TICAM2: variants seen among roughly 807,000 people sequenced by gnomAD.
TICAM2 encodes the protein TIR domain containing adaptor molecule 2.
Under a neutral mutation model 7.3 loss-of-function variants are expected in TICAM2, and 8 were observed. The ratio of observed to expected loss-of-function variants is 1.10; its 90% CI spans 0.65 to 1.99. TICAM2 has a LOEUF of 1.99. Among genes scored for constraint, TICAM2 ranks in the 30% most tolerant of loss-of-function variants. The pLI, the probability that TICAM2 is intolerant of heterozygous loss-of-function variation, is 0.00. For missense variants in TICAM2, 304 were observed against 278.8 expected, an observed-to-expected ratio of 1.09 and a Z score of -0.65; for synonymous variants, 113 against 99.6, an observed-to-expected ratio of 1.13 and a Z score of -0.80.
chr5:115,598,126 G>T (rs1031200533), intron 1 of TICAM2, among the ~76,000 whole-genome samples: 1 of 151,820 alleles, frequency 6.6e-6, no homozygotes, highest in Non-Finnish European at 1.5e-5. Flanking sequence ...CATTTTCTAG[G>T]CTTTATATTT....
At chr5:115,593,621 C>T (rs563504863) in intron 1 of TICAM2, among the ~76,000 whole-genome samples, 6 of 152,122 alleles carry the variant, frequency 3.9e-5, no homozygotes, top group Admixed American at 1.3e-4. Flanking sequence ...AGATTCAATG[C>T]AATAACAATC....
At chr5:115,582,151 CATTT>C (rs985483870) in intron 1 of TICAM2, among the ~76,000 whole-genome samples, 83 of 151,646 alleles carry the variant, frequency 5.5e-4, no homozygotes, top group African/African-American at 1.8e-3. Context: ...TTTATTTATT[CATTT>C]ATTTATTTAT....
At chr5:115,590,863 C>T (rs564130663) in intron 1 of TICAM2, among the ~76,000 whole-genome samples, 1 of 152,274 alleles carries the variant, frequency 6.6e-6, no homozygotes, top group East Asian at 1.9e-4. Flanking sequence ...AAAGGCATTT[C>T]CCAAGATCCA....
At chr5:115,591,682 A>C (rs1323141569) in intron 1 of TICAM2, among the ~76,000 whole-genome samples, 1 of 152,154 alleles carries the variant, frequency 6.6e-6, no homozygotes, top group Non-Finnish European at 1.5e-5. Flanking sequence ...CAGCAGAAGG[A>C]ACTCATGAAC....
intron 1 of TICAM2, among the ~76,000 whole-genome samples, chr5:115,598,089 A>G (rs1755581674): frequency 6.6e-6 from 1 of 152,240 alleles, no homozygotes; most frequent in African/African-American, 2.4e-5. Flanking sequence ...ACAGTCTGAA[A>G]AAATAGTTTT....
chr5:115,586,356 C>A lies in TICAM2; in HGVS notation c.-59-5041G>T, dbSNP rs1009622992. Among the ~76,000 whole-genome samples, 7 of 150,454 alleles carry A rather than the reference C, an allele frequency of 4.7e-5. 1 individual carries two copies. In the South Asian group the frequency reaches 8.4e-4, roughly 18 times the overall value. Reference sequence around the variant, plus strand: ...ATTTGTTAGTCACTTCTACCCATTACTGCTATGACAACATGCAATTCATAA... The same window carrying A: ...ATTTGTTAGTCACTTCTACCCATTAATGCTATGACAACATGCAATTCATAA... On this transcript the variant is annotated intron_variant, in intron 1 of 1. Transcript: ENST00000427199.
intron 1 of TICAM2, among the ~76,000 whole-genome samples, chr5:115,595,631 C>A (rs574513900): frequency 6.6e-6 from 1 of 152,298 alleles, no homozygotes; most frequent in South Asian, 2.1e-4. Context: ...TACCCTAATG[C>A]CTTCAAGAAA....
intron 1 of TICAM2, 47 bp from the exon 2 acceptor site, chr5:115,581,362 C>CA: frequency 6.6e-7 from 1 of 1,516,556 alleles, no homozygotes; most frequent in Non-Finnish European, 8.8e-7. Context: ...TTAATCAAAA[C>CA]ATTAAAAATG....
chr5:115,587,358 A>G (rs1755143258), intron 1 of TICAM2, among the ~76,000 whole-genome samples: 1 of 152,130 alleles, frequency 6.6e-6, no homozygotes, highest in Non-Finnish European at 1.5e-5. Context: ...CCTTTTAGAG[A>G]GAAGGTGAGT....
chr5:115,587,515 A>G (rs1755149001), intron 1 of TICAM2, among the ~76,000 whole-genome samples: 1 of 152,216 alleles, frequency 6.6e-6, no homozygotes, highest in African/African-American at 2.4e-5. Flanking sequence ...ATTAGTTAAG[A>G]GGCTGCTACA....
chr5:115,601,460 T>C (rs946726509), intron 1 of TICAM2, among the ~76,000 whole-genome samples: 1 of 151,906 alleles, frequency 6.6e-6, no homozygotes, highest in East Asian at 1.9e-4. Context: ...AGACGTGCAA[T>C]GTGGGTTCAG....
intron 1 of TICAM2, among the ~76,000 whole-genome samples, chr5:115,591,250 C>T (rs1755291415): frequency 1.3e-5 from 2 of 152,128 alleles, no homozygotes. Flanking sequence ...AAGTGTGACT[C>T]CAGTTGTGTG....
chr5:115,591,432 C>T (rs1755298377), intron 1 of TICAM2, among the ~76,000 whole-genome samples: 2 of 152,184 alleles, frequency 1.3e-5, no homozygotes, highest in African/African-American at 4.8e-5. Context: ...AAAATTAAAT[C>T]CTCTCTGGAA....
chr5:115,584,311 A>G (rs376028409), intron 1 of TICAM2, among the ~76,000 whole-genome samples: 6 of 152,202 alleles, frequency 3.9e-5, no homozygotes, highest in South Asian at 2.1e-4. Context: ...ATTAGTATAC[A>G]TTGCTTTTTC....
intron 1 of TICAM2, among the ~76,000 whole-genome samples, chr5:115,586,054 G>T (rs375277061): frequency 1.3e-5 from 2 of 152,186 alleles, no homozygotes; most frequent in Non-Finnish European, 2.9e-5. Flanking sequence ...TAGGAGAAAG[G>T]TTCCAGCAGG....
intron 1 of TICAM2, among the ~76,000 whole-genome samples, chr5:115,590,833 A>T (rs763090462): frequency 9.9e-5 from 15 of 152,236 alleles, no homozygotes; most frequent in Non-Finnish European, 1.9e-4. Flanking sequence ...TTAACTCTCT[A>T]TTATGGCTTT....
rs1354915519 is a variant in TICAM2, at chr5:115,579,558, C to T, written c.*991G>A. ...GGAAAGAAACAATCCTGTTTGGGGC[C>T]TCTCTGGCTTGTTAGGAGCATGGGG... On this transcript the variant is annotated 3_prime_UTR_variant, in exon 2 of 2. Transcript: ENST00000427199. 2 of 152,180 alleles carry T rather than the reference C, an allele frequency of 1.3e-5. No individual in the cohort carries two copies. Among genetic ancestry groups the T allele is most frequent in the East Asian group, 1.9e-4 (1 of 5,200 alleles). 9.4% of individuals were successfully genotyped at this position (152,180 alleles called of 1,614,324 possible).
intron 1 of TICAM2, among the ~76,000 whole-genome samples, chr5:115,598,634 G>A (rs1755601241): frequency 6.6e-6 from 1 of 152,008 alleles, no homozygotes; most frequent in Non-Finnish European, 1.5e-5. Context: ...TTCACTCCTA[G>A]TTTCTGCTTA....
At position 115,580,985 on chromosome 5, in the gene TICAM2, T is replaced by C. The variant is rs146755779; in HGVS notation, c.272A>G (p.Asp91Gly). ...CAGATTCTGGACTCTGAGGGCTTCA[T>C]CTGTGTCATCTTCTGCATGCAATAT... ...FVILHAEDDT[D>G]EALRVQNLLQ... Residue 91 changes from aspartate to glycine, a missense_variant, in exon 2 of 2, where the codon GAT becomes GGT. By Grantham distance (94) the Asp-to-Gly change is moderately conservative. Transcript: ENST00000427199. The C allele has an allele frequency of 2.4e-5, 39 of 1,613,942 alleles. No individual in the cohort carries two copies. The African/African-American group carries it at 4.3e-4, about 18-fold the overall frequency.
Sources: gnomAD v4.1 joint callset for allele counts (sites outside exome capture counted in the v4.1 genomes callset) on GRCh38, gnomAD v4.1.1 for gene constraint, MANE v1.5 for transcripts, NCBI Gene and HGNC (gene_info 2026-07-23, HGNC 2026-07-21) for gene names.